Variants in ZBTB20 observed in about 807,000 individuals in gnomAD.
ZBTB20 encodes zinc finger and BTB domain-containing protein 20.
In ZBTB20, 9 loss-of-function variants were observed where a neutral mutation model predicts 56.9. That is an observed-to-expected ratio of 0.16 (90% CI 0.10 to 0.28). The LOEUF (loss-of-function observed/expected upper bound fraction) is 0.28. Among genes scored for constraint, ZBTB20 ranks in the 10% least tolerant of loss-of-function variants. The pLI is 1.00. For missense variants in ZBTB20, 655 were observed against 1,003.0 expected, an observed-to-expected ratio of 0.65 and a Z score of 4.69; for synonymous variants, 417 against 420.7, an observed-to-expected ratio of 0.99 and a Z score of 0.11.
intron 5 of ZBTB20, among the ~76,000 whole-genome samples, chr3:114,744,337 T>C (rs2066865974): frequency 6.6e-6 from 1 of 152,170 alleles, no homozygotes; most frequent in Non-Finnish European, 1.5e-5. Context: ...GTGGAAACCA[T>C]GATAAATAAA....
chr3:114,357,903 A>G (rs1521066), intron 10 of ZBTB20, among the ~76,000 whole-genome samples: 90,643 of 152,062 alleles, frequency 0.6, 27,294 homozygotes, highest in East Asian at 0.88. Flanking sequence ...GAAGAGAAAT[A>G]TTTTTTAAAA....
At chr3:114,661,124 G>C (rs1328380070) in intron 6 of ZBTB20, among the ~76,000 whole-genome samples, 1 of 152,094 alleles carries the variant, frequency 6.6e-6, no homozygotes, top group Non-Finnish European at 1.5e-5. Context: ...ATTGTACTCA[G>C]GGTCCTAAGA....
intron 6 of ZBTB20, among the ~76,000 whole-genome samples, chr3:114,615,010 G>A (rs111295414): frequency 3.3e-5 from 5 of 151,934 alleles, no homozygotes; most frequent in Non-Finnish European, 7.4e-5. Flanking sequence ...TGCCTGCCTC[G>A]CCTCCCAAAG....
chr3:114,455,798 T>A (rs1197660633), intron 7 of ZBTB20, among the ~76,000 whole-genome samples: 1 of 152,096 alleles, frequency 6.6e-6, no homozygotes, highest in Non-Finnish European at 1.5e-5. Context: ...AAGGTACAGT[T>A]AAAATGGATT....
At chr3:114,404,154 A>G (rs763782158) in intron 7 of ZBTB20, among the ~76,000 whole-genome samples, 1 of 152,160 alleles carries the variant, frequency 6.6e-6, no homozygotes, top group Non-Finnish European at 1.5e-5. Context: ...GTACACATGG[A>G]CAAATCATAG....
chr3:114,596,729 AG>A (rs2056344883), intron 6 of ZBTB20, among the ~76,000 whole-genome samples: 1 of 152,178 alleles, frequency 6.6e-6, no homozygotes, highest in Non-Finnish European at 1.5e-5. Context: ...GAAGAGCAAG[AG>A]GAGAGAAAGA....
intron 7 of ZBTB20, among the ~76,000 whole-genome samples, chr3:114,415,565 G>C (rs918547903): frequency 3.3e-5 from 5 of 152,114 alleles, no homozygotes; most frequent in Non-Finnish European, 2.9e-5. Flanking sequence ...GTTAACATTA[G>C]AGATTCAGTT....
chr3:115,007,974 C>T lies in ZBTB20; in HGVS notation c.-506-33558G>A, dbSNP rs189340247. 2.6e-5 allele frequency among the ~76,000 whole-genome samples: 4 copies of T among 151,920 alleles called. No homozygotes were observed. In the East Asian group the frequency reaches 7.8e-4, roughly 30 times the overall value. ...TCCTTTGCAGGCTCTTCTGCTTCTT[C>T]TTGACCCTATATATGGGTTCTTCTT... On this transcript the variant is annotated intron_variant, in intron 2 of 11. Coordinates refer to ENST00000675478, the MANE Select transcript of ZBTB20 (RefSeq NM_001348800.3).
chr3:114,580,316 A>G (rs1028929406), intron 6 of ZBTB20, among the ~76,000 whole-genome samples: 2 of 151,710 alleles, frequency 1.3e-5, no homozygotes, highest in Admixed American at 6.6e-5. Context: ...TCTGATTAAA[A>G]ACACTTAGTA....
intron 3 of ZBTB20, among the ~76,000 whole-genome samples, chr3:114,962,585 T>C (rs2077495925): frequency 6.6e-6 from 1 of 152,132 alleles, no homozygotes; most frequent in Non-Finnish European, 1.5e-5. Context: ...AGCTTAACAG[T>C]CGATCTTAAA....
At chr3:115,039,919 C>T (rs2081074759) in intron 2 of ZBTB20, among the ~76,000 whole-genome samples, 1 of 151,856 alleles carries the variant, frequency 6.6e-6, no homozygotes, top group Admixed American at 6.6e-5. Context: ...GCACTACACA[C>T]CTGAAAATTG....
intron 4 of ZBTB20, among the ~76,000 whole-genome samples, chr3:114,883,077 G>C (rs543512489): frequency 6.2e-4 from 95 of 152,274 alleles, no homozygotes; most frequent in Non-Finnish European, 1.1e-3. Context: ...AGAATAATCT[G>C]TAAGTTACCT....
chr3:115,090,464 A>C (rs2083147769), intron 1 of ZBTB20, among the ~76,000 whole-genome samples: 1 of 151,764 alleles, frequency 6.6e-6, no homozygotes, highest in Admixed American at 6.6e-5. Context: ...AGAAAATATT[A>C]GTTTTAGGGT....
At chr3:114,636,940 A>AACC (rs1252193129) in intron 6 of ZBTB20, among the ~76,000 whole-genome samples, 1 of 151,716 alleles carries the variant, frequency 6.6e-6, no homozygotes, top group Non-Finnish European at 1.5e-5. Context: ...AAACAACAAC[A>AACC]ACACACTTTA....
intron 5 of ZBTB20, among the ~76,000 whole-genome samples, chr3:114,773,004 T>C (rs2069327922): frequency 2.0e-5 from 3 of 152,096 alleles, no homozygotes; most frequent in Admixed American, 1.3e-4. Flanking sequence ...AGATGTCAAG[T>C]GTAATAATGA....
intron 3 of ZBTB20, among the ~76,000 whole-genome samples, chr3:114,962,843 T>G (rs1241239530): frequency 6.6e-6 from 1 of 152,158 alleles, no homozygotes; most frequent in Non-Finnish European, 1.5e-5. Flanking sequence ...CTTCATCCTC[T>G]CTTAAACTCC....
intron 6 of ZBTB20, among the ~76,000 whole-genome samples, chr3:114,593,214 T>C (rs2055959925): frequency 1.3e-5 from 2 of 152,280 alleles, no homozygotes; most frequent in African/African-American, 2.4e-5. Context: ...GTTCTTTTAT[T>C]AGTGATAACA....
rs115915104 is a variant in ZBTB20, at chr3:114,817,767, T to C, written c.-416-16593A>G. ...GAGCAGAAAATTGGTTCTCAATAAATATTTGTGTGAAATACAAAAAATCTA... is the reference window on the plus strand; with the variant it reads ...GAGCAGAAAATTGGTTCTCAATAAACATTTGTGTGAAATACAAAAAATCTA... On this transcript the variant is annotated intron_variant, in intron 4 of 11. Coordinates refer to ENST00000675478, the MANE Select transcript of ZBTB20 (RefSeq NM_001348800.3). Among the ~76,000 whole-genome samples the C allele has an allele frequency of 7.0e-3, 1,070 of 152,198 alleles. 6 individuals carry two copies. Among genetic ancestry groups the C allele is most frequent in the African/African-American group, 0.023 (960 of 41,538 alleles).
At chr3:114,708,974 C>T (rs991299927) in intron 5 of ZBTB20, among the ~76,000 whole-genome samples, 5 of 152,100 alleles carry the variant, frequency 3.3e-5, no homozygotes, top group African/African-American at 1.2e-4. Context: ...AAGTGACCCT[C>T]TGTAGGCACT....
Sources: gnomAD v4.1 joint callset for allele counts (sites outside exome capture counted in the v4.1 genomes callset) on GRCh38, gnomAD v4.1.1 for gene constraint, MANE v1.5 for transcripts, NCBI Gene and HGNC (gene_info 2026-07-23, HGNC 2026-07-21) for gene names.